MACF1: variants seen among roughly 807,000 people sequenced by gnomAD.
The protein encoded by MACF1 is microtubule actin crosslinking factor 1, also known as microtubule-actin cross-linking factor 1.
A neutral mutation model predicts 854.8 loss-of-function variants in MACF1; 193 were observed. The ratio of observed to expected loss-of-function variants is 0.23; its 90% confidence interval spans 0.20 to 0.25. The LOEUF (loss-of-function observed/expected upper bound fraction) is 0.25, where lower values mean the gene tolerates loss of function less well. Ranked by LOEUF, MACF1 falls within the 10% of genes least tolerant of loss-of-function variation. The probability of loss-of-function intolerance (pLI) is 1.00; values close to 1 mark genes in which losing one functional copy is unlikely to be tolerated. For missense variants in MACF1, 7,722 were observed against 8,929.1 expected (o/e 0.86, Z 5.45); for synonymous variants, 3,185 against 3,226.7 (o/e 0.99, Z 0.44).
At chr1:39,165,682 G>A (rs1643875403) in intron 2 of MACF1, among the ~76,000 whole-genome samples, 1 of 152,138 alleles carries the variant, frequency 6.6e-6, no homozygotes, top group Non-Finnish European at 1.5e-5. Context: ...TGCTGCTGTG[G>A]TTTCTATTGG....
chr1:39,324,279 A>G lies in MACF1; in HGVS notation c.4323A>G (p.Gln1441=). 6.2e-7 allele frequency: 1 copy of G among 1,614,052 alleles called. No individual in the cohort carries two copies. Among genetic ancestry groups the G allele is most frequent in the African/African-American group, 1.3e-5 (1 of 75,050 alleles). Residue 1441 remains glutamine (Q), a synonymous_variant, in exon 34 of 101, where the codon CAA becomes CAG. Transcript: ENST00000564288. Reference sequence around the variant, plus strand: ...TGTCTACCCTAGCGAGGAATACACAAGGAAAAGCTACCTCATCCGAGACCA... The same window carrying G: ...TGTCTACCCTAGCGAGGAATACACAGGGAAAAGCTACCTCATCCGAGACCA... ...GWVSTLARNT[Q]GKATSSETKE...
At chr1:39,247,027 G>A (rs1377146703) in intron 2 of MACF1, among the ~76,000 whole-genome samples, 12 of 150,700 alleles carry the variant, frequency 8.0e-5, no homozygotes, top group South Asian at 2.1e-4. Context: ...TCAGCCTCTC[G>A]AGTAGCTGGG....
At chr1:39,261,072 T>G (rs1445210842) in intron 6 of MACF1, among the ~76,000 whole-genome samples, 2 of 152,198 alleles carry the variant, frequency 1.3e-5, no homozygotes, top group African/African-American at 2.4e-5. Context: ...TGTTTTTATT[T>G]GCTTTCAGTT....
chr1:39,163,962 G>C (rs1351646635), intron 2 of MACF1, among the ~76,000 whole-genome samples: 1 of 152,094 alleles, frequency 6.6e-6, no homozygotes, highest in Non-Finnish European at 1.5e-5. Flanking sequence ...CTGTATTTCT[G>C]TCATCTTTTC....
At position 39,434,541 on chromosome 1, in the gene MACF1, C is replaced by A. The variant is rs1207031498; in HGVS notation, c.17693C>A (p.Pro5898His). The A allele has an allele frequency of 4.3e-6, 7 of 1,614,084 alleles. No individual in the cohort carries two copies. The highest frequency in any genetic ancestry group is 5.9e-6 in the Non-Finnish European group (7 of 1,180,022). ...QFWETYEELSPWIEETRALIA... is the reference protein window; with the variant it reads ...QFWETYEELSHWIEETRALIA... Reference sequence around the variant, plus strand: ...TGGGAAACTTATGAAGAGCTCAGCCCCTGGATTGAGGAAACTCGGGCACTA... The same window carrying A: ...TGGGAAACTTATGAAGAGCTCAGCCACTGGATTGAGGAAACTCGGGCACTA... Residue 5898 changes from proline to histidine, a missense_variant, in exon 69 of 101, where the codon CCC (proline) becomes CAC (histidine). This residue lies in a region of MACF1 where 2,807 missense variants were observed against 3,235.8 expected (regional missense o/e 0.87). Coordinates refer to ENST00000564288, the MANE Select transcript of MACF1 (RefSeq NM_001394062.1).
At chr1:39,429,403 C>A (rs774190178) in intron 64 of MACF1, 77 bp downstream of exon 64, 12 of 803,608 alleles carry the variant, frequency 1.5e-5, no homozygotes, top group Non-Finnish European at 1.9e-5. Context: ...GAGTTCCCTG[C>A]CTTAGCCTCT....
chr1:39,413,197 G>A (rs1189406180), intron 58 of MACF1: 2 of 1,613,524 alleles, frequency 1.2e-6, no homozygotes, highest in Middle Eastern at 1.7e-4. Flanking sequence ...TGTCACCCCA[G>A]CTACCACAGT....
intron 5 of MACF1, among the ~76,000 whole-genome samples, chr1:39,256,892 G>GA (rs1251607615): frequency 0.018 from 1,637 of 91,036 alleles, 8 homozygotes; most frequent in African/African-American, 0.026. Context: ...AGAACCTTAA[G>GA]AAAAAAAAAA....
intron 6 of MACF1, among the ~76,000 whole-genome samples, chr1:39,274,491 T>C (rs1194838491): frequency 3.3e-5 from 5 of 152,178 alleles, no homozygotes; most frequent in Non-Finnish European, 7.3e-5. Flanking sequence ...AACATTTACA[T>C]TGTATTAGGA....
intron 50 of MACF1, among the ~76,000 whole-genome samples, chr1:39,368,831 A>G (rs933915776): frequency 2.0e-5 from 3 of 151,792 alleles, no homozygotes; most frequent in Non-Finnish European, 1.5e-5. Context: ...AGTAACTAAT[A>G]GAAAGTAGGG....
chr1:39,464,894 A>G (rs1644631142), intron 94 of MACF1: 1 of 529,842 alleles, frequency 1.9e-6, no homozygotes, highest in Non-Finnish European at 3.4e-6. Context: ...AGCCTGGGCA[A>G]CAGAGCGAGA....
At chr1:39,360,068 CACAT>C (rs1169498853) in intron 47 of MACF1, among the ~76,000 whole-genome samples, 4 of 119,558 alleles carry the variant, frequency 3.3e-5, no homozygotes, top group East Asian at 4.9e-4. Flanking sequence ...CACACACACA[CACAT>C]ATGTATATAC....
Position 39,360,887 on chromosome 1 carries a change from G to A in MACF1, c.12339G>A (p.Gln4113=), listed in dbSNP as rs762762357. The change falls in exon 48 of 101, where the codon CAG becomes CAA. Residue 4113 remains glutamine, a synonymous_variant. Transcript: ENST00000564288. ...QKAIAQSQSV[Q]ESLESLLQSI... Reference sequence around the variant, plus strand: ...CAATTGCCCAATCTCAGAGTGTCCAGGAAAGCCTGGAGAGCCTGTTGCAGT... The same window carrying A: ...CAATTGCCCAATCTCAGAGTGTCCAAGAAAGCCTGGAGAGCCTGTTGCAGT... 7.4e-6 allele frequency: 12 copies of A among 1,613,880 alleles called. No individual in the cohort carries two copies. In the African/African-American group the frequency reaches 1.6e-4, roughly 22 times the overall value.
chr1:39,423,461 C>T (rs1329867540), intron 60 of MACF1, among the ~76,000 whole-genome samples: 1 of 151,704 alleles, frequency 6.6e-6, no homozygotes, highest in African/African-American at 2.4e-5. Flanking sequence ...CGGTGAAACC[C>T]CATCTCTACT....
intron 1 of MACF1, among the ~76,000 whole-genome samples, chr1:39,221,943 A>G (rs562996453): frequency 1.3e-5 from 2 of 152,292 alleles, no homozygotes; most frequent in Admixed American, 1.3e-4. Flanking sequence ...TTAATTAAGT[A>G]CGTACTCCTT....
rs907045421 is a variant in MACF1, at chr1:39,360,999, A to G, written c.12451A>G (p.Met4151Val). The change falls in exon 48 of 101, where the codon ATG becomes GTG. Residue 4151 changes from methionine (M) to valine (V), a missense_variant and splice_region_variant. Coordinates refer to ENST00000564288, the MANE Select transcript of MACF1 (RefSeq NM_001394062.1). ...CATCCAGGAAGCCTTAGCCACAAAT[A>G]TGGTAAGATCTGTGTCCCAAGAGCT... Reference protein sequence around the residue: ...GVIQEALATNMKLKQDIARQK... With the variant: ...GVIQEALATNVKLKQDIARQK... 2 of 1,613,078 alleles carry G rather than the reference A, an allele frequency of 1.2e-6. No individual in the cohort carries two copies. The highest frequency in any genetic ancestry group is 1.7e-6 in the Non-Finnish European group (2 of 1,179,030).
Position 39,358,847 on chromosome 1 carries a change from C to T in MACF1, c.12094C>T (p.Leu4032Phe), listed in dbSNP as rs1569683578. The T allele has an allele frequency of 6.2e-7, 1 of 1,609,828 alleles. No homozygotes were observed. The highest frequency in any genetic ancestry group is 8.5e-7 in the Non-Finnish European group (1 of 1,178,914). The change falls in exon 46 of 101, where the codon CTC (leucine) becomes TTC (phenylalanine). Residue 4032 changes from leucine (L) to phenylalanine (F), a missense_variant. Coordinates refer to ENST00000564288, the MANE Select transcript of MACF1 (RefSeq NM_001394062.1). ...SDTVASDPGVLQEQLATTKQL... is the reference protein window; with the variant it reads ...SDTVASDPGVFQEQLATTKQL... The stretch of plus-strand genomic sequence containing the variant: ...TACTGTTGCCTCTGACCCTGGAGTT[C>T]TCCAGGAGCAGCTTGCAACAACAAA...
In MACF1 at chr1:39,448,657, G is replaced by A. The variant is rs1167097173; in HGVS notation, c.20152G>A (p.Ala6718Thr). 6.2e-7 allele frequency: 1 copy of A among 1,613,066 alleles called. No homozygotes were observed. The highest frequency in any genetic ancestry group is 1.1e-5 in the South Asian group (1 of 90,914). ...VYDTTIRTGR[A>T]LKEKTLLPED... ...TGATACCACAATTAGAACTGGCAGA[G>A]CACTGAAAGAAAAGACTTTGCTTCC... The change falls in exon 84 of 101, where the codon GCA becomes ACA. Residue 6718 changes from alanine to threonine, a missense_variant. Ala to Thr is a moderately conservative substitution (Grantham distance 58). Around this residue, in one of 15 missense-constraint regions of MACF1, gnomAD observed 729 missense variants for 900.5 expected, o/e 0.81. Coordinates refer to ENST00000564288, the MANE Select transcript of MACF1 (RefSeq NM_001394062.1).
At position 39,340,624 on chromosome 1, in the gene MACF1, A is replaced by G. The variant is rs1279009386; in HGVS notation, c.10338A>G (p.Lys3446=). Residue 3446 remains lysine (K), a synonymous_variant, in exon 39 of 101, where the codon AAA becomes AAG. Transcript: ENST00000564288. Reference sequence around the variant, plus strand: ...CTCAACTGTTGAAGGCTCTAGAGAAAGATGCCAAGAATCTTCAGAAGTCTC... The same window carrying G: ...CTCAACTGTTGAAGGCTCTAGAGAAGGATGCCAAGAATCTTCAGAAGTCTC... ...VPAQLLKALE[K]DAKNLQKSLS... 7 of 1,614,240 alleles carry G rather than the reference A, an allele frequency of 4.3e-6. No individual in the cohort carries two copies. The highest frequency in any genetic ancestry group is 5.9e-6 in the Non-Finnish European group (7 of 1,180,040).
Sources: allele counts gnomAD v4.1 joint callset (sites outside exome capture counted in the v4.1 genomes callset), GRCh38; gene constraint gnomAD v4.1.1; regional missense constraint gnomAD v4.1.1; transcripts MANE v1.5; gene names NCBI Gene and HGNC (gene_info 2026-07-23, HGNC 2026-07-21).